C3orf70: variants seen among roughly 807,000 people sequenced by gnomAD.
The protein encoded by C3orf70 is UPF0524 protein C3orf70.
A neutral mutation model predicts 20.7 loss-of-function variants in C3orf70; 15 were observed. The observed-to-expected ratio is 0.72, with a 90% CI of 0.48 to 1.11. The LOEUF (loss-of-function observed/expected upper bound fraction) is 1.11. Among genes scored for constraint, C3orf70 ranks in the 50% most tolerant of loss-of-function variants. The pLI, the probability that C3orf70 is intolerant of heterozygous loss-of-function variation, is 0.00. For synonymous variants in C3orf70, 161 were observed against 125.7 expected, an observed-to-expected ratio of 1.28 and a Z score of -1.88; for missense variants, 332 against 317.6, an observed-to-expected ratio of 1.05 and a Z score of -0.34.
At chr3:185,119,406 A>G (rs1716245858) in intron 1 of C3orf70, among the ~76,000 whole-genome samples, 1 of 152,136 alleles carries the variant, frequency 6.6e-6, no homozygotes, top group Admixed American at 6.5e-5. Flanking sequence ...TAATCCCGGC[A>G]TTTTGGGAGG....
intron 1 of C3orf70, among the ~76,000 whole-genome samples, chr3:185,113,285 C>CAAAAGA (rs66537133): frequency 7.2e-6 from 1 of 138,502 alleles, no homozygotes; most frequent in African/African-American, 2.7e-5. Flanking sequence ...CTAAAAAATA[C>CAAAAGA]AAAAAAGAAA....
intron 1 of C3orf70, among the ~76,000 whole-genome samples, chr3:185,142,412 G>T (rs1417388682): frequency 6.6e-6 from 1 of 152,156 alleles, no homozygotes; most frequent in African/African-American, 2.4e-5. Context: ...CAGCCTGGGT[G>T]ACACAGCGAA....
chr3:185,083,329 C>T lies in C3orf70; in HGVS notation c.431G>A (p.Cys144Tyr). The change falls in exon 2 of 2, where the codon TGT (cysteine) becomes TAT (tyrosine). Residue 144 changes from cysteine to tyrosine, a missense_variant. Transcript: ENST00000335012. ...YQVKCINGKM[C>Y]YVQKQPAPHS... ...TGGTGCCGGCTGCTTCTGCACATAA[C>T]ACATCTTCCCATTAATACATTTAAC... 2 of 1,614,210 alleles carry T rather than the reference C, an allele frequency of 1.2e-6. No homozygotes were observed. The highest frequency in any genetic ancestry group is 2.2e-5 in the East Asian group (1 of 44,890).
chr3:185,123,356 T>C (rs190365256), intron 1 of C3orf70, among the ~76,000 whole-genome samples: 25 of 152,178 alleles, frequency 1.6e-4, no homozygotes, highest in African/African-American at 6.0e-4. Context: ...ACATATGTAG[T>C]GGTGACCCAT....
At chr3:185,091,207 C>A (rs541757942) in intron 1 of C3orf70, among the ~76,000 whole-genome samples, 16 of 151,842 alleles carry the variant, frequency 1.1e-4, no homozygotes, top group African/African-American at 3.9e-4. Flanking sequence ...GAACAGGATT[C>A]CAAGTTTCAT....
In C3orf70 at chr3:185,078,673, ACCT is replaced by A. The variant is rs1375299019; in HGVS notation, c.*4331_*4333del. The stretch of plus-strand genomic sequence containing the variant: ...ACTGGCCTCCTCAGTTCTGGTTCAC[ACCT>A]CCTCTGGAGAAGGGGACAGAAGAGA... On this transcript the variant is annotated 3_prime_UTR_variant, in exon 2 of 2. Transcript: ENST00000335012. 6.6e-6 allele frequency: 1 copy of A among 152,178 alleles called. No individual in the cohort carries two copies. Among genetic ancestry groups the A allele is most frequent in the African/African-American group, 2.4e-5 (1 of 41,436 alleles). 9.4% of individuals were successfully genotyped at this position (152,178 alleles called of 1,614,324 possible). A position where few individuals can be genotyped will look rare whatever the true frequency, so the allele number is the denominator to read the frequency against.
intron 1 of C3orf70, among the ~76,000 whole-genome samples, chr3:185,129,287 C>G (rs952466472): frequency 4.6e-5 from 7 of 152,156 alleles, no homozygotes; most frequent in African/African-American, 1.7e-4. Context: ...CATGTGTTTG[C>G]ATTGTTTAGC....
intron 1 of C3orf70, among the ~76,000 whole-genome samples, chr3:185,088,921 A>C (rs1027002801): frequency 6.6e-6 from 1 of 152,210 alleles, no homozygotes; most frequent in Non-Finnish European, 1.5e-5. Flanking sequence ...TGTGAAATTG[A>C]AGATACTGGG....
chr3:185,101,946 T>A (rs188047848), intron 1 of C3orf70, among the ~76,000 whole-genome samples: 1 of 152,178 alleles, frequency 6.6e-6, no homozygotes, highest in Non-Finnish European at 1.5e-5. Context: ...GAACCATCTA[T>A]GACAAACCCA....
At position 185,082,047 on chromosome 3, in the gene C3orf70, G is replaced by A. The variant is rs545991879; in HGVS notation, c.*960C>T. 6 of 152,194 alleles carry A rather than the reference G, an allele frequency of 3.9e-5. No homozygotes were observed. The highest frequency in any genetic ancestry group is 8.8e-5 in the Non-Finnish European group (6 of 67,992). The allele number at this position is 152,194 out of a possible 1,614,324, so 9.4% of individuals were successfully genotyped here. A position where few individuals can be genotyped will look rare whatever the true frequency, so the allele number is the denominator to read the frequency against. ...TGTCAGATGTGGCTGCCACCTAAATGTGATACCTATATAACTTCCTAAGAG... is the reference window on the plus strand; with the variant it reads ...TGTCAGATGTGGCTGCCACCTAAATATGATACCTATATAACTTCCTAAGAG... On this transcript the variant is annotated 3_prime_UTR_variant, in exon 2 of 2. Transcript: ENST00000335012.
chr3:185,102,904 C>G (rs184105340), intron 1 of C3orf70, among the ~76,000 whole-genome samples: 1 of 152,118 alleles, frequency 6.6e-6, no homozygotes, highest in African/African-American at 2.4e-5. Flanking sequence ...AAAATTAACT[C>G]AAGATAGATA....
chr3:185,134,165 T>A (rs1359962515), intron 1 of C3orf70, among the ~76,000 whole-genome samples: 3 of 150,400 alleles, frequency 2.0e-5, no homozygotes, highest in African/African-American at 7.4e-5. Flanking sequence ...GATATTGGGA[T>A]ACAAATGAAA....
At chr3:185,152,549 G>A in intron 1 of C3orf70, 79 bp downstream of exon 1, 1 of 1,353,168 alleles carries the variant, frequency 7.4e-7, no homozygotes, top group Non-Finnish European at 1.0e-6. Context: ...CGGCCGCAGA[G>A]TTCCGGCAGC....
chr3:185,138,862 G>A (rs905589468), intron 1 of C3orf70, among the ~76,000 whole-genome samples: 2 of 152,194 alleles, frequency 1.3e-5, no homozygotes, highest in Non-Finnish European at 2.9e-5. Context: ...CACTCTGAGA[G>A]GCCAAGGTGG....
Position 185,122,488 on chromosome 3 carries a change from C to T in C3orf70, c.196+30140G>A, listed in dbSNP as rs945576009. ...GTCTAAAATCCTGTAAATCACCATC[C>T]GAGGATAGTTGCATCACGGAAAGTG... On this transcript the variant is annotated intron_variant, in intron 1 of 1. Transcript: ENST00000335012. 6.6e-5 allele frequency among the ~76,000 whole-genome samples: 10 copies of T among 152,110 alleles called. 1 individual carries two copies. The highest frequency in any genetic ancestry group is 1.0e-4 in the Non-Finnish European group (7 of 68,028).
intron 1 of C3orf70, among the ~76,000 whole-genome samples, chr3:185,127,853 T>C (rs937751202): frequency 1.3e-5 from 2 of 152,100 alleles, no homozygotes; most frequent in Non-Finnish European, 2.9e-5. Context: ...AATTGAGACG[T>C]TGAAAAACAA....
chr3:185,093,833 G>A (rs1473867017), intron 1 of C3orf70, among the ~76,000 whole-genome samples: 4 of 152,030 alleles, frequency 2.6e-5, no homozygotes, highest in Non-Finnish European at 5.9e-5. Context: ...CCTGAATGGA[G>A]CTCTCCTATG....
intron 1 of C3orf70, among the ~76,000 whole-genome samples, chr3:185,084,841 C>G (rs13063443): frequency 0.062 from 9,413 of 152,230 alleles, 410 homozygotes; most frequent in South Asian, 0.12. Flanking sequence ...GGGATGGGGG[C>G]TCCTAAAAAT....
chr3:185,094,629 G>A (rs148660858), intron 1 of C3orf70, among the ~76,000 whole-genome samples: 20 of 151,652 alleles, frequency 1.3e-4, no homozygotes, highest in African/African-American at 4.4e-4. Flanking sequence ...CTCCTTTTAC[G>A]GCCAGAGTTT....
Sources: gnomAD v4.1 joint callset for allele counts (sites outside exome capture counted in the v4.1 genomes callset) on GRCh38, gnomAD v4.1.1 for gene constraint, MANE v1.5 for transcripts, NCBI Gene and HGNC (gene_info 2026-07-23, HGNC 2026-07-21) for gene names.